The following NT5DC2 variants were observed in gnomAD, a reference collection of about 807,000 sequenced individuals.
The protein encoded by NT5DC2 is 5'-nucleotidase domain-containing protein 2.
Under a neutral mutation model 70.0 loss-of-function variants are expected in NT5DC2, and 41 were observed. The ratio of observed to expected loss-of-function variants is 0.59; its 90% CI spans 0.46 to 0.76. NT5DC2 has a LOEUF of 0.76. Ranked by LOEUF, NT5DC2 falls within the 30% of genes least tolerant of loss-of-function variation. The pLI, the probability that NT5DC2 is intolerant of heterozygous loss-of-function variation, is 0.00. For missense variants in NT5DC2, 705 were observed against 783.2 expected (o/e 0.90, Z 1.19); for synonymous variants, 299 against 310.4 (o/e 0.96, Z 0.39).
At chr3:52,525,644 T>G in intron 10 of NT5DC2, 1 of 271,216 alleles carries the variant, frequency 3.7e-6, no homozygotes, top group South Asian at 4.3e-5. Context: ...TGGCCTCCCC[T>G]GCCTCAGTGC....
At position 52,531,727 on chromosome 3, in the gene NT5DC2, T is replaced by G. The variant is rs1243892693; in HGVS notation, c.232+1779A>C. ...GTGTCCCACTCAGCATGTCCAGCAA[T>G]TGCCCTCCTTTCTCCTCAGCCCTAG... On this transcript the variant is annotated intron_variant, in intron 1 of 13. Coordinates refer to ENST00000422318, the MANE Select transcript of NT5DC2 (RefSeq NM_001134231.2). The surrounding 1 kb of genome is among the most constrained non-coding windows in gnomAD (Gnocchi z 4.1). Among the ~76,000 whole-genome samples the G allele has an allele frequency of 8.7e-5, 13 of 150,058 alleles. No homozygotes were observed. Among genetic ancestry groups the G allele is most frequent in the East Asian group, 8.1e-4 (4 of 4,908 alleles).
intron 1 of NT5DC2, among the ~76,000 whole-genome samples, chr3:52,532,963 G>A (rs1192511296): frequency 6.6e-6 from 1 of 152,164 alleles, no homozygotes; most frequent in Admixed American, 6.5e-5. Flanking sequence ...GGGCTCCAGG[G>A]GGCGGGGGTG....
At chr3:52,530,973 C>T (rs1353004039) in intron 1 of NT5DC2, among the ~76,000 whole-genome samples, 3 of 152,198 alleles carry the variant, frequency 2.0e-5, no homozygotes, top group Non-Finnish European at 4.4e-5. Context: ...TCCAGGGGAT[C>T]CCTGTCTCAG....
At chr3:52,528,340 C>T (rs750168661) in intron 5 of NT5DC2, 29 bp from the exon 6 acceptor site, 17 of 1,613,054 alleles carry the variant, frequency 1.1e-5, no homozygotes, top group Non-Finnish European at 4.2e-6. Flanking sequence ...TCTCAGACAC[C>T]CTTTGGGACC....
chr3:52,527,487 A>AG (rs1164541264), intron 9 of NT5DC2, 112 bp from the exon 10 acceptor site: 2 of 1,445,420 alleles, frequency 1.4e-6, no homozygotes, highest in Non-Finnish European at 1.9e-6. Context: ...CATGCCAGCA[A>AG]GGGGGTGTTC....
chr3:52,525,200 C>G lies in NT5DC2; in HGVS notation c.1206+9G>C. 1 of 1,610,296 alleles carries G rather than the reference C, an allele frequency of 6.2e-7. No homozygotes were observed. The highest frequency in any genetic ancestry group is 8.5e-7 in the Non-Finnish European group (1 of 1,178,692). On this transcript the variant is annotated intron_variant, in intron 11 of 13. Transcript: ENST00000422318. The stretch of plus-strand genomic sequence containing the variant: ...CTCCCCCACTGCAGCCCAGCCCTGC[C>G]TCCCTCACCGCCAGATCACTATAGA...
intron 1 of NT5DC2, chr3:52,532,641 T>C (rs1441062993): frequency 3.4e-6 from 1 of 290,554 alleles, no homozygotes; most frequent in Admixed American, 6.5e-5. Context: ...CTGGTTCCAG[T>C]CATCACCCAA....
At position 52,533,747 on chromosome 3, in the gene NT5DC2, G is replaced by GCGCCGCC. The variant is rs1385199733; in HGVS notation, c.-17_-11dup. ...GCCCCGCACCCGCCATGCCCACCGC[G>GCGCCGCC]CGCCGCCCGCCGCCCGCGCTGCCCT... On this transcript the variant is annotated 5_prime_UTR_variant, in exon 1 of 14. Transcript: ENST00000422318. The GCGCCGCC allele has an allele frequency of 3.7e-5, 36 of 972,466 alleles. No individual in the cohort carries two copies. The highest frequency in any genetic ancestry group is 3.5e-4 in the East Asian group (3 of 8,462). 60.2% of individuals were successfully genotyped at this position (972,466 alleles called of 1,614,324 possible). A position where few individuals can be genotyped will look rare whatever the true frequency, so the allele number is the denominator to read the frequency against.
Position 52,533,683 on chromosome 3 carries a change from G to A in NT5DC2, c.55C>T (p.His19Tyr), listed in dbSNP as rs1453773343. The change falls in exon 1 of 14, where the codon CAC becomes TAC. Residue 19 changes from histidine (H) to tyrosine (Y), a missense_variant. Physicochemically the swap from His to Tyr is moderately conservative, Grantham distance 83. Transcript: ENST00000422318. ...GACGAGGCGGCTCGCGGCCCGCCGT[G>A]GCCTCCGCACAGCAGCCAGCGCCGA... Reference protein sequence around the residue: ...AARRWLLCGGHGGPRAASSSP... With the variant: ...AARRWLLCGGYGGPRAASSSP... 26 of 1,102,380 alleles carry A rather than the reference G, an allele frequency of 2.4e-5. No homozygotes were observed. The highest frequency in any genetic ancestry group is 2.8e-5 in the Non-Finnish European group (25 of 906,420). The allele number at this position is 1,102,380 out of a possible 1,614,324, so 68.3% of individuals were successfully genotyped here. A position where few individuals can be genotyped will look rare whatever the true frequency, so the allele number is the denominator to read the frequency against.
Position 52,524,583 on chromosome 3 carries a change from T to C in NT5DC2, c.1561A>G (p.Thr521Ala). 1 of 1,612,986 alleles carries C rather than the reference T, an allele frequency of 6.2e-7. No homozygotes were observed. Reference sequence around the variant, plus strand: ...AGCGGCGTACGGCGTGGGTAGAAGGTGAAGTCCACGCGGTAGTTGAGCAGG... The same window carrying C: ...AGCGGCGTACGGCGTGGGTAGAAGGCGAAGTCCACGCGGTAGTTGAGCAGG... ...SCLLNYRVDF[T>A]FYPRRTPLQH... The change falls in exon 14 of 14, where the codon ACC becomes GCC. Residue 521 changes from threonine to alanine, a missense_variant. Coordinates refer to ENST00000422318, the MANE Select transcript of NT5DC2 (RefSeq NM_001134231.2).
At chr3:52,526,986 A>G (rs1247328086) in intron 10 of NT5DC2, among the ~76,000 whole-genome samples, 2 of 152,232 alleles carry the variant, frequency 1.3e-5, no homozygotes, top group African/African-American at 2.4e-5. Context: ...TGAGAGCTTT[A>G]TACCACAGCT....
intron 10 of NT5DC2, among the ~76,000 whole-genome samples, chr3:52,526,753 G>A (rs2079280425): frequency 6.6e-6 from 1 of 152,192 alleles, no homozygotes; most frequent in Non-Finnish European, 1.5e-5. Context: ...TCGAACTCCT[G>A]GGCTCAAGTG....
In NT5DC2 at chr3:52,527,719, C is replaced by G. The variant is rs755071306; in HGVS notation, c.936-1G>C. 6.8e-6 allele frequency: 11 copies of G among 1,613,242 alleles called. No individual in the cohort carries two copies. Among genetic ancestry groups the G allele is most frequent in the Non-Finnish European group, 8.5e-6 (10 of 1,180,036 alleles). The stretch of plus-strand genomic sequence containing the variant: ...CACCATGTGCCGCATCCCCTTGTCT[C>G]TGTGTGGAGGAGTTTCAGGTGGCAA... On this transcript the variant is annotated splice_acceptor_variant, in intron 8 of 13. Coordinates refer to ENST00000422318, the MANE Select transcript of NT5DC2 (RefSeq NM_001134231.2). LOFTEE classifies it high-confidence loss of function.
chr3:52,528,139 A>ACTT lies in NT5DC2; in HGVS notation c.771+41_771+43dup, dbSNP rs1241394381. On this transcript the variant is annotated intron_variant, in intron 6 of 13. Coordinates refer to ENST00000422318, the MANE Select transcript of NT5DC2 (RefSeq NM_001134231.2). Reference sequence around the variant, plus strand: ...GGTGGGGCTGTCCCACTGTGGCTGGACTTAGTCTTTCCTGCCATCCGAGGG... The same window carrying ACTT: ...GGTGGGGCTGTCCCACTGTGGCTGGACTTCTTAGTCTTTCCTGCCATCCGAGGG... 1.9e-6 allele frequency: 3 copies of ACTT among 1,612,726 alleles called. No individual in the cohort carries two copies. The African/African-American group carries it at 4.0e-5, about 22-fold the overall frequency.
Position 52,527,297 on chromosome 3 carries a change from C to A in NT5DC2, c.1116G>T (p.Arg372=). 1 of 1,614,080 alleles carries A rather than the reference C, an allele frequency of 6.2e-7. No homozygotes were observed. The highest frequency in any genetic ancestry group is 8.5e-7 in the Non-Finnish European group (1 of 1,179,962). ...ITRLEKGKIY[R]QGNLFDFLRL... is the part of the protein sequence containing the mutation. ...GCTCTCCCCAGATGGCCCTTACCTG[C>A]CGATAGATCTTGCCCTTTTCCAAGC... is the stretch of plus-strand genomic sequence containing the variant. Residue 372 remains arginine (R), a synonymous_variant, in exon 10 of 14, where the codon CGG becomes CGT. Transcript: ENST00000422318.
rs745485897 is a variant in NT5DC2 at position 52,525,282 on chromosome 3, T to TCAAA, written c.1129_1132dup (p.Asp378ValfsTer2). 97 of 1,612,594 alleles carry TCAAA rather than the reference T, an allele frequency of 6.0e-5. No homozygotes were observed. Among genetic ancestry groups the TCAAA allele is most frequent in the East Asian group, 1.6e-4 (7 of 44,850 alleles). On this transcript the variant is annotated stop_gained and frameshift_variant, in exon 11 of 14. Coordinates refer to ENST00000422318, the MANE Select transcript of NT5DC2 (RefSeq NM_001134231.2). LOFTEE classifies it high-confidence loss of function. ...ACGCCATTCCGTCAAGCGTAAGAAG[T>TCAAA]CAAACAGGTTTCCCTAGGGAGAGGA...
chr3:52,525,560 C>T, intron 10 of NT5DC2: 1 of 490,126 alleles, frequency 2.0e-6, no homozygotes, highest in South Asian at 2.3e-5. Context: ...TCACACGTAC[C>T]CCAGGTTAGG....
Position 52,524,584 on chromosome 3 carries a change from G to T in NT5DC2, c.1560C>A (p.Phe520Leu), listed in dbSNP as rs761535847. 1 of 1,613,194 alleles carries T rather than the reference G, an allele frequency of 6.2e-7. No homozygotes were observed. The highest frequency in any genetic ancestry group is 2.2e-5 in the East Asian group (1 of 44,884). ...LSCLLNYRVD[F>L]TFYPRRTPLQ... ...GCGGCGTACGGCGTGGGTAGAAGGTGAAGTCCACGCGGTAGTTGAGCAGGC... is the reference window on the plus strand; with the variant it reads ...GCGGCGTACGGCGTGGGTAGAAGGTTAAGTCCACGCGGTAGTTGAGCAGGC... Residue 520 changes from phenylalanine (F) to leucine (L), a missense_variant, in exon 14 of 14, where the codon TTC becomes TTA. Coordinates refer to ENST00000422318, the MANE Select transcript of NT5DC2 (RefSeq NM_001134231.2).
chr3:52,524,468 C>T lies in NT5DC2; in HGVS notation c.*2G>A, dbSNP rs933075611. On this transcript the variant is annotated 3_prime_UTR_variant, in exon 14 of 14. Coordinates refer to ENST00000422318, the MANE Select transcript of NT5DC2 (RefSeq NM_001134231.2). ...GGCCTGTCCCAGACAATAAAGGTGC[C>T]CTCAGCGGATGTGGGCCATGTCACC... 38 of 1,612,622 alleles carry T rather than the reference C, an allele frequency of 2.4e-5. No homozygotes were observed. Among genetic ancestry groups the T allele is most frequent in the Non-Finnish European group, 2.8e-5 (33 of 1,179,980 alleles).
Sources: gnomAD v4.1 joint callset for allele counts (sites outside exome capture counted in the v4.1 genomes callset) on GRCh38, gnomAD v4.1.1 for gene constraint, Gnocchi (gnomAD v3.1) non-coding constraint, MANE v1.5 for transcripts, NCBI Gene and HGNC (gene_info 2026-07-23, HGNC 2026-07-21) for gene names.